Variants in PIGL observed in about 807,000 individuals in gnomAD.
PIGL encodes the protein N-acetylglucosaminyl-phosphatidylinositol de-N-acetylase.
In PIGL, 22 loss-of-function variants were observed where a neutral mutation model predicts 31.1. The ratio of observed to expected loss-of-function variants is 0.71; its 90% CI spans 0.51 to 1.01. PIGL has a LOEUF of 1.01. Ranked by LOEUF, PIGL falls within the 50% of genes least tolerant of loss-of-function variation. PIGL has a pLI of 0.00. For synonymous variants in PIGL, 131 were observed against 117.4 expected (o/e 1.12, Z -0.75); for missense variants, 302 against 315.9 (o/e 0.96, Z 0.33).
At chr17:16,250,402 C>T (rs907565207) in intron 2 of PIGL, among the ~76,000 whole-genome samples, 2 of 152,148 alleles carry the variant, frequency 1.3e-5, no homozygotes, top group African/African-American at 4.8e-5. Flanking sequence ...AACATATCAT[C>T]CACAGGTAAA....
chr17:16,297,473 A>G (rs2092987377), intron 2 of PIGL, among the ~76,000 whole-genome samples: 1 of 152,166 alleles, frequency 6.6e-6, no homozygotes, highest in South Asian at 2.1e-4. Flanking sequence ...AAAGTTCCAT[A>G]CAATATTACT....
At position 16,316,902 on chromosome 17, in the gene PIGL, G is replaced by T. The variant is rs187460360; in HGVS notation, c.526+190G>T. ...TGTATCTACCAGCAAGTGCCTGCCT[G>T]CAGGGCCACCTCTGGATGAGTGGGG... On this transcript the variant is annotated intron_variant, in intron 5 of 6. Coordinates refer to ENST00000225609, the MANE Select transcript of PIGL (RefSeq NM_004278.4). 2,749 of 1,372,708 alleles carry T rather than the reference G, an allele frequency of 2.0e-3. 3 individuals carry two copies. The highest frequency in any genetic ancestry group is 2.5e-3 in the Non-Finnish European group (2,614 of 1,049,104). 85.0% of individuals were successfully genotyped at this position (1,372,708 alleles called of 1,614,324 possible). A position where few individuals can be genotyped will look rare whatever the true frequency, so the allele number is the denominator to read the frequency against.
At chr17:16,267,238 G>A (rs1052499444) in intron 2 of PIGL, among the ~76,000 whole-genome samples, 1 of 152,174 alleles carries the variant, frequency 6.6e-6, no homozygotes, top group African/African-American at 2.4e-5. Context: ...TCATAAGGAA[G>A]AGTAAGTGTA....
At chr17:16,233,930 T>TA (rs371823707) in intron 1 of PIGL, 41 bp from the exon 2 acceptor site, 24,825 of 965,086 alleles carry the variant, frequency 0.026, 49 homozygotes, top group African/African-American at 0.041. Context: ...TCTCCACTGT[T>TA]AAAAAAAAAA....
intron 2 of PIGL, among the ~76,000 whole-genome samples, chr17:16,266,183 G>A (rs1342497779): frequency 6.6e-6 from 1 of 151,940 alleles, no homozygotes; most frequent in Admixed American, 6.6e-5. Flanking sequence ...GGGAGGCTGA[G>A]GCAGGCGGAT....
At chr17:16,290,089 CTTTTTT>C (rs1340279811) in intron 2 of PIGL, among the ~76,000 whole-genome samples, 1 of 149,720 alleles carries the variant, frequency 6.7e-6, no homozygotes, top group Non-Finnish European at 1.5e-5. Flanking sequence ...TTTTTTTTCT[CTTTTTT>C]TTAATTTTTT....
At chr17:16,252,607 CATATAT>C in intron 2 of PIGL, among the ~76,000 whole-genome samples, 1 of 149,738 alleles carries the variant, frequency 6.7e-6, no homozygotes, top group East Asian at 1.9e-4. Flanking sequence ...ATTTTTAAAA[CATATAT>C]ATAATTTAAA....
chr17:16,286,680 G>A (rs889348838), intron 2 of PIGL, among the ~76,000 whole-genome samples: 1 of 152,152 alleles, frequency 6.6e-6, no homozygotes. Context: ...CCCCAGGGAA[G>A]GAGTCGTCGG....
At chr17:16,252,721 TG>T (rs1181405032) in intron 2 of PIGL, among the ~76,000 whole-genome samples, 1 of 152,186 alleles carries the variant, frequency 6.6e-6, no homozygotes, top group Non-Finnish European at 1.5e-5. Context: ...GTGTACATTT[TG>T]ATAATATTTT....
chr17:16,322,668 A>T (rs150031074), intron 6 of PIGL, among the ~76,000 whole-genome samples: 1 of 152,118 alleles, frequency 6.6e-6, no homozygotes, highest in Non-Finnish European at 1.5e-5. Flanking sequence ...GAATGCACCT[A>T]CTCACTAAAA....
chr17:16,253,324 G>A (rs1207686817), intron 2 of PIGL, among the ~76,000 whole-genome samples: 1 of 152,070 alleles, frequency 6.6e-6, no homozygotes, highest in Non-Finnish European at 1.5e-5. Context: ...TAAAACCCAT[G>A]CCTATTAAAG....
At chr17:16,311,716 C>T (rs2093051354) in intron 3 of PIGL, among the ~76,000 whole-genome samples, 2 of 150,648 alleles carry the variant, frequency 1.3e-5, no homozygotes, top group South Asian at 2.1e-4. Context: ...CTTGCACCGC[C>T]CTTAATCCAT....
chr17:16,271,685 C>G (rs2092873553), intron 2 of PIGL, among the ~76,000 whole-genome samples: 2 of 151,982 alleles, frequency 1.3e-5, no homozygotes, highest in Admixed American at 6.6e-5. Flanking sequence ...GCGCACACCA[C>G]CACACCCAGC....
intron 2 of PIGL, among the ~76,000 whole-genome samples, chr17:16,259,946 C>T (rs2092812368): frequency 6.6e-6 from 1 of 152,250 alleles, no homozygotes; most frequent in Non-Finnish European, 1.5e-5. Flanking sequence ...ACTGCCTGGC[C>T]TCTTCCTGTT....
chr17:16,306,394 C>A (rs1297172865), intron 3 of PIGL, among the ~76,000 whole-genome samples: 2 of 151,972 alleles, frequency 1.3e-5, no homozygotes, highest in Non-Finnish European at 2.9e-5. Flanking sequence ...TCTGACTTGC[C>A]CAAGGTGCTG....
intron 2 of PIGL, among the ~76,000 whole-genome samples, chr17:16,237,388 G>A (rs2092703740): frequency 6.6e-6 from 1 of 150,956 alleles, no homozygotes; most frequent in South Asian, 2.1e-4. Flanking sequence ...GATTACAGAC[G>A]TGAGCCACTG....
intron 6 of PIGL, among the ~76,000 whole-genome samples, chr17:16,323,006 CT>C: frequency 6.6e-6 from 1 of 152,036 alleles, no homozygotes; most frequent in Non-Finnish European, 1.5e-5. Flanking sequence ...GAGTTCAGTG[CT>C]AATGAATCAA....
intron 2 of PIGL, among the ~76,000 whole-genome samples, chr17:16,250,761 C>T (rs947817752): frequency 6.6e-6 from 1 of 152,126 alleles, no homozygotes; most frequent in African/African-American, 2.4e-5. Context: ...AATTATTTTT[C>T]CCATCTTACA....
intron 1 of PIGL, chr17:16,217,903 A>G (rs951213780): frequency 1.4e-4 from 22 of 153,724 alleles, no homozygotes; most frequent in African/African-American, 5.3e-4. Flanking sequence ...TGCCTTTAAA[A>G]TGCAGCTTGT....
Sources: allele counts gnomAD v4.1 joint callset (sites outside exome capture counted in the v4.1 genomes callset), GRCh38; gene constraint gnomAD v4.1.1; transcripts MANE v1.5; gene names NCBI Gene and HGNC (gene_info 2026-07-23, HGNC 2026-07-21).